SHISA9: variants seen among roughly 807,000 people sequenced by gnomAD.
SHISA9 encodes shisa family member 9.
A neutral mutation model predicts 38.0 loss-of-function variants in SHISA9; 13 were observed. The observed-to-expected ratio is 0.34, with a 90% CI of 0.22 to 0.54. SHISA9 has a LOEUF of 0.54. Among genes scored for constraint, SHISA9 ranks in the 20% least tolerant of loss-of-function variants. SHISA9 has a pLI of 0.91. For synonymous variants in SHISA9, 275 were observed against 242.0 expected (o/e 1.14, Z -1.27); for missense variants, 538 against 575.8 (o/e 0.93, Z 0.67).
At chr16:13,251,194 C>A in the SHISA9 span, among the ~76,000 whole-genome samples, 7 of 152,300 alleles carry the variant, frequency 4.6e-5, no homozygotes, top group Non-Finnish European at 7.3e-5. Flanking sequence ...GATGCAGCAT[C>A]CCCAAGCTTC....
At chr16:13,435,257 ATAAC>A in the SHISA9 span, among the ~76,000 whole-genome samples, 2 of 151,908 alleles carry the variant, frequency 1.3e-5, no homozygotes, top group Non-Finnish European at 2.9e-5. Context: ...TGTAACTGAG[ATAAC>A]TATATGTCAG....
chr16:13,486,037 T>C, the SHISA9 span, among the ~76,000 whole-genome samples: 1 of 152,190 alleles, frequency 6.6e-6, no homozygotes, highest in African/African-American at 2.4e-5. Flanking sequence ...AGACACCCTT[T>C]CTCCACGTCA....
chr16:13,270,264 C>T, the SHISA9 span, among the ~76,000 whole-genome samples: 42,701 of 151,990 alleles, frequency 0.28, 7,042 homozygotes, highest in Admixed American at 0.42. Flanking sequence ...TGATACATTG[C>T]GCAAAGCCTG....
chr16:12,918,514 A>G (rs2071287083), intron 2 of SHISA9, among the ~76,000 whole-genome samples: 1 of 152,220 alleles, frequency 6.6e-6, no homozygotes, highest in African/African-American at 2.4e-5. Context: ...TCATTCCATC[A>G]GGTGGGCGGG....
the SHISA9 span, among the ~76,000 whole-genome samples, chr16:13,447,348 C>T: frequency 5.9e-5 from 9 of 151,870 alleles, no homozygotes; most frequent in South Asian, 4.2e-4. Flanking sequence ...TGCGGATTTG[C>T]GTTCTACACA....
intron 2 of SHISA9, among the ~76,000 whole-genome samples, chr16:13,061,262 G>C (rs1267761643): frequency 6.6e-6 from 1 of 152,114 alleles, no homozygotes; most frequent in Non-Finnish European, 1.5e-5. Context: ...ATATAAATAC[G>C]CCTCACACAC....
the SHISA9 span, among the ~76,000 whole-genome samples, chr16:13,516,037 T>A: frequency 6.6e-6 from 1 of 152,352 alleles, no homozygotes; most frequent in South Asian, 2.1e-4. Context: ...GCCTGTGACT[T>A]ATCTTACCTT....
intron 2 of SHISA9, among the ~76,000 whole-genome samples, chr16:12,945,435 A>G (rs905653660): frequency 3.3e-5 from 5 of 152,192 alleles, no homozygotes; most frequent in Admixed American, 1.3e-4. Flanking sequence ...TATAAAATCA[A>G]TAAGTGTTAT....
At chr16:13,469,377 G>GAAAGAAAAGAA in the SHISA9 span, among the ~76,000 whole-genome samples, 8 of 93,848 alleles carry the variant, frequency 8.5e-5, no homozygotes, top group Non-Finnish European at 1.1e-4. Context: ...AAGAAAGAAA[G>GAAAGAAAAGAA]AAAGAAAGAA....
chr16:13,414,978 A>G, the SHISA9 span, among the ~76,000 whole-genome samples: 2 of 152,166 alleles, frequency 1.3e-5, no homozygotes, highest in African/African-American at 4.8e-5. Context: ...TGTACAGAAA[A>G]TGGAAGTGAA....
chr16:13,312,117 A>G, the SHISA9 span, among the ~76,000 whole-genome samples: 1 of 152,186 alleles, frequency 6.6e-6, no homozygotes, highest in Non-Finnish European at 1.5e-5. Flanking sequence ...GAAGTCTACT[A>G]ATATTTCTGT....
At chr16:13,051,817 T>A (rs2073254705) in intron 2 of SHISA9, among the ~76,000 whole-genome samples, 1 of 151,794 alleles carries the variant, frequency 6.6e-6, no homozygotes, top group African/African-American at 2.4e-5. Flanking sequence ...CAGGCTGGAG[T>A]GCAGAGGCAC....
the SHISA9 span, among the ~76,000 whole-genome samples, chr16:13,372,587 A>C: frequency 3.4e-4 from 52 of 152,290 alleles, no homozygotes; most frequent in Non-Finnish European, 5.6e-4. Flanking sequence ...GACATTTGAG[A>C]CCACAGACCT....
chr16:13,205,931 T>TTTA (rs2051059474), intron 3 of SHISA9, among the ~76,000 whole-genome samples: 1 of 150,934 alleles, frequency 6.6e-6, no homozygotes, highest in Admixed American at 6.6e-5. Context: ...CTGGCTAATT[T>TTTA]TTTTTTTTTT....
chr16:13,093,675 C>A (rs1033735851), intron 2 of SHISA9, among the ~76,000 whole-genome samples: 1 of 152,104 alleles, frequency 6.6e-6, no homozygotes, highest in Non-Finnish European at 1.5e-5. Context: ...TTTGTCCAGG[C>A]GCCCACATGT....
the SHISA9 span, among the ~76,000 whole-genome samples, chr16:13,517,106 G>C: frequency 2.6e-5 from 4 of 152,132 alleles, no homozygotes; most frequent in South Asian, 8.3e-4. Context: ...CCAGTAGCTG[G>C]TATCTTTCTA....
At chr16:13,358,886 A>C in the SHISA9 span, among the ~76,000 whole-genome samples, 1 of 152,232 alleles carries the variant, frequency 6.6e-6, no homozygotes, top group East Asian at 1.9e-4. Flanking sequence ...TAGTGTTAGA[A>C]GGACCTGCTG....
At chr16:13,185,372 A>C (rs2050811609) in intron 2 of SHISA9, among the ~76,000 whole-genome samples, 1 of 151,990 alleles carries the variant, frequency 6.6e-6, no homozygotes, top group Non-Finnish European at 1.5e-5. Flanking sequence ...TGGCTACTTA[A>C]AAATTTTTTT....
intron 2 of SHISA9, among the ~76,000 whole-genome samples, chr16:13,144,334 G>T (rs1472644024): frequency 1.3e-5 from 2 of 151,938 alleles, no homozygotes; most frequent in African/African-American, 2.4e-5. Flanking sequence ...TGTATTTTTA[G>T]TAGAGACAGG....
Sources: gnomAD v4.1 joint callset for allele counts (sites outside exome capture counted in the v4.1 genomes callset) on GRCh38, gnomAD v4.1.1 for gene constraint, MANE v1.5 for transcripts, NCBI Gene and HGNC (gene_info 2026-07-23, HGNC 2026-07-21) for gene names.